Variants in YWHAB observed in about 807,000 individuals in gnomAD.
The protein encoded by YWHAB is 14-3-3 protein beta/alpha.
In YWHAB, 2 loss-of-function variants were observed where a neutral mutation model predicts 28.5. That is an observed-to-expected ratio of 0.07 (90% CI 0.03 to 0.22). YWHAB has a LOEUF of 0.22. Among genes scored for constraint, YWHAB ranks in the 10% least tolerant of loss-of-function variants. The probability of loss-of-function intolerance (pLI) is 1.00; values close to 1 mark genes in which losing one functional copy is unlikely to be tolerated. For missense variants in YWHAB, 148 were observed against 297.1 expected, an observed-to-expected ratio of 0.50 and a Z score of 3.69; for synonymous variants, 103 against 104.7, an observed-to-expected ratio of 0.98 and a Z score of 0.10.
Position 44,885,754 on chromosome 20 carries a change from T to TCGCCGCCGCCGC in YWHAB, c.-129_-118dup, listed in dbSNP as rs35664412. ...GCCGCCGATTCCGGAGCCGGGGTAG[T>TCGCCGCCGCCGC]CGCCGCCGCCGCCGCCGCTGCAGCC... On this transcript the variant is annotated 5_prime_UTR_variant, in exon 1 of 6. Transcript: ENST00000353703. The TCGCCGCCGCCGC allele has an allele frequency of 1.5e-4, 26 of 178,260 alleles. No homozygotes were observed. The highest frequency in any genetic ancestry group is 4.3e-4 in the African/African-American group (18 of 41,548). The allele number at this position is 178,260 out of a possible 1,614,324, so 11.0% of individuals were successfully genotyped here.
At chr20:44,893,364 C>A (rs1220714045) in intron 1 of YWHAB, among the ~76,000 whole-genome samples, 1 of 151,916 alleles carries the variant, frequency 6.6e-6, no homozygotes, top group Admixed American at 6.5e-5. Context: ...CTAGTGGTTT[C>A]TCTTTAAACA....
At position 44,901,698 on chromosome 20, in the gene YWHAB, C is replaced by A. The variant is rs745735230; in HGVS notation, c.165C>A (p.Gly55=). 1 of 1,612,956 alleles carries A rather than the reference C, an allele frequency of 6.2e-7. No homozygotes were observed. The highest frequency in any genetic ancestry group is 8.5e-7 in the Non-Finnish European group (1 of 1,179,674). ...CTGTTGCCTACAAGAATGTGGTAGGCGCCCGCCGCTCTTCCTGGCGTGTCA... is the reference window on the plus strand; with the variant it reads ...CTGTTGCCTACAAGAATGTGGTAGGAGCCCGCCGCTCTTCCTGGCGTGTCA... ...LLSVAYKNVV[G]ARRSSWRVIS... The change falls in exon 2 of 6, where the codon GGC becomes GGA. Residue 55 remains glycine (G), a synonymous_variant. Coordinates refer to ENST00000353703, the MANE Select transcript of YWHAB (RefSeq NM_139323.4).
At chr20:44,903,070 G>A (rs550542296) in intron 2 of YWHAB, 17 of 986,426 alleles carry the variant, frequency 1.7e-5, no homozygotes, top group East Asian at 2.3e-4. Context: ...ACAACTCTTC[G>A]AAAATATTGC....
At chr20:44,887,528 C>G (rs1372632559) in intron 1 of YWHAB, 1 of 152,188 alleles carries the variant, frequency 6.6e-6, no homozygotes, top group Non-Finnish European at 1.5e-5. Flanking sequence ...ATCTTTTGTA[C>G]ATTTCACATC....
At position 44,890,029 on chromosome 20, in the gene YWHAB, AG is replaced by A. The variant is rs1319130868; in HGVS notation, c.-4+4145del. 9.2e-5 allele frequency among the ~76,000 whole-genome samples: 14 copies of A among 152,238 alleles called. 1 individual carries two copies. Among genetic ancestry groups the A allele is most frequent in the Non-Finnish European group, 2.1e-4 (14 of 68,040 alleles). On this transcript the variant is annotated intron_variant, in intron 1 of 5. Coordinates refer to ENST00000353703, the MANE Select transcript of YWHAB (RefSeq NM_139323.4). ...ATGTCACCTGCCTCATAGGATACTT[AG>A]GATCAAATGCGTTTCTAGGAATCCC...
rs891764537 is a variant in YWHAB at position 44,903,193 on chromosome 20, G to A, written c.301-800G>A. 1.5e-5 allele frequency: 10 copies of A among 684,858 alleles called. No individual in the cohort carries two copies. The African/African-American group carries it at 2.0e-4, about 13-fold the overall frequency. The allele number at this position is 684,858 out of a possible 1,614,324, so 42.4% of individuals were successfully genotyped here. Reference sequence around the variant, plus strand: ...CTCTTTGAGTGCTTACTACGTGCCAGGCAACGTGTTAAGCGCTTTATGTAT... The same window carrying A: ...CTCTTTGAGTGCTTACTACGTGCCAAGCAACGTGTTAAGCGCTTTATGTAT... On this transcript the variant is annotated intron_variant, in intron 2 of 5. Transcript: ENST00000353703.
chr20:44,899,026 C>T (rs567880426), intron 1 of YWHAB, among the ~76,000 whole-genome samples: 280 of 152,208 alleles, frequency 1.8e-3, no homozygotes, highest in Non-Finnish European at 3.2e-3. Flanking sequence ...TGAGGAGAAT[C>T]GCTTGAACCC....
Sources: allele counts gnomAD v4.1 joint callset (sites outside exome capture counted in the v4.1 genomes callset), GRCh38; gene constraint gnomAD v4.1.1; transcripts MANE v1.5; gene names NCBI Gene and HGNC (gene_info 2026-07-23, HGNC 2026-07-21).